Variants in KIF26B observed in about 807,000 individuals in gnomAD.
KIF26B encodes the protein kinesin-like protein KIF26B.
Under a neutral mutation model 151.2 loss-of-function variants are expected in KIF26B, and 63 were observed. The ratio of observed to expected loss-of-function variants is 0.42; its 90% CI spans 0.34 to 0.51. The LOEUF (loss-of-function observed/expected upper bound fraction) is 0.51, where lower values mean the gene tolerates loss of function less well. Ranked by LOEUF, KIF26B falls within the 20% of genes least tolerant of loss-of-function variation. The pLI is 0.07. For synonymous variants in KIF26B, 1,357 were observed against 1,262.1 expected (o/e 1.08, Z -1.59); for missense variants, 2,813 against 2,913.6 (o/e 0.97, Z 0.79).
chr1:245,543,576 C>T lies in KIF26B; in HGVS notation c.1350+2626C>T, dbSNP rs1661671509. 2.6e-5 allele frequency among the ~76,000 whole-genome samples: 4 copies of T among 152,180 alleles called. No individual in the cohort carries two copies. In the South Asian group the frequency reaches 8.3e-4, roughly 32 times the overall value. Reference sequence around the variant, plus strand: ...CCACGTGGCAGCTGAGGCCACCCTCCTGATCTGCTCAGGCTTCTGGGGCAT... The same window carrying T: ...CCACGTGGCAGCTGAGGCCACCCTCTTGATCTGCTCAGGCTTCTGGGGCAT... On this transcript the variant is annotated intron_variant, in intron 5 of 14. Coordinates refer to ENST00000407071, the MANE Select transcript of KIF26B (RefSeq NM_018012.4).
At position 245,503,758 on chromosome 1, in the gene KIF26B, G is replaced by A. The variant is rs142894980; in HGVS notation, c.1167-37009G>A. 2.2e-4 allele frequency among the ~76,000 whole-genome samples: 34 copies of A among 152,326 alleles called. No homozygotes were observed. In the East Asian group the frequency reaches 6.2e-3, roughly 28 times the overall value. ...GGAGCTAGAACTTGGTTTTGCTCTC[G>A]GCGTTGCCGCAGGGTGGCTGTCTTG... On this transcript the variant is annotated intron_variant, in intron 4 of 14. Coordinates refer to ENST00000407071, the MANE Select transcript of KIF26B (RefSeq NM_018012.4).
chr1:245,406,405 A>C (rs1674136369), intron 3 of KIF26B, among the ~76,000 whole-genome samples: 1 of 152,164 alleles, frequency 6.6e-6, no homozygotes, highest in Non-Finnish European at 1.5e-5. Flanking sequence ...TGTGGTATGG[A>C]GTGGCTCAGG....
intron 2 of KIF26B, among the ~76,000 whole-genome samples, chr1:245,235,549 C>T (rs10924132): frequency 0.35 from 52,658 of 151,344 alleles, 9,405 homozygotes; most frequent in East Asian, 0.62. Flanking sequence ...GCTATGATCA[C>T]GCCACTGCAC....
At position 245,684,413 on chromosome 1, in the gene KIF26B, TGG is replaced by T. The variant is rs149909437; in HGVS notation, c.2421+24_2421+25del. On this transcript the variant is annotated intron_variant, in intron 11 of 14. Transcript: ENST00000407071. ...AGACGAAGGTAAGGAGCTCGCGGGGTGGGGGGGTGGTGGATGAGGGAGCCTTT... is the reference window on the plus strand; with the variant it reads ...AGACGAAGGTAAGGAGCTCGCGGGGTGGGGGTGGTGGATGAGGGAGCCTTT... 3 of 1,388,946 alleles carry T rather than the reference TGG, an allele frequency of 2.2e-6. No individual in the cohort carries two copies. The African/African-American group carries it at 4.3e-5, about 20-fold the overall frequency. 86.0% of individuals were successfully genotyped at this position (1,388,946 alleles called of 1,614,324 possible).
rs142953216 is a variant in KIF26B, at chr1:245,406,589, A to C, written c.1000-12990A>C. Among the ~76,000 whole-genome samples, 575 of 152,322 alleles carry C rather than the reference A, an allele frequency of 3.8e-3. 5 individuals carry two copies. Among genetic ancestry groups the C allele is most frequent in the Non-Finnish European group, 6.4e-3 (438 of 68,018 alleles). Reference sequence around the variant, plus strand: ...AGATTAAACATGGATAGAAAAGGGCATGATGTGTATTAGAATTAAATGCTG... The same window carrying C: ...AGATTAAACATGGATAGAAAAGGGCCTGATGTGTATTAGAATTAAATGCTG... On this transcript the variant is annotated intron_variant, in intron 3 of 14. Coordinates refer to ENST00000407071, the MANE Select transcript of KIF26B (RefSeq NM_018012.4).
intron 10 of KIF26B, among the ~76,000 whole-genome samples, chr1:245,679,924 C>G (rs10458424): frequency 0.03 from 4,542 of 152,132 alleles, 218 homozygotes; most frequent in African/African-American, 0.1. Context: ...CCAACCTGTC[C>G]TCCATAGCCA....
chr1:245,673,411 C>T (rs1412083822), intron 10 of KIF26B, among the ~76,000 whole-genome samples: 3 of 127,838 alleles, frequency 2.3e-5, no homozygotes, highest in African/African-American at 8.9e-5. Context: ...GTCCCCGCTG[C>T]GCGCTGCCAT....
intron 2 of KIF26B, among the ~76,000 whole-genome samples, chr1:245,161,110 A>C (rs572500818): frequency 6.6e-6 from 1 of 152,346 alleles, no homozygotes; most frequent in South Asian, 2.1e-4. Context: ...AGTCTTTCTC[A>C]TATCAGAAGT....
intron 3 of KIF26B, among the ~76,000 whole-genome samples, chr1:245,373,800 G>A (rs1042643241): frequency 6.6e-6 from 1 of 151,786 alleles, no homozygotes; most frequent in African/African-American, 2.4e-5. Context: ...GGTGGCTCAT[G>A]CCTGTAATTT....
chr1:245,244,980 C>T lies in KIF26B; in HGVS notation c.465+88297C>T, dbSNP rs1314136790. Reference sequence around the variant, plus strand: ...TGAAAAGAGGATGAAATGTTTTAAACGCTCAAGAATTTCCAGTCACCACAG... The same window carrying T: ...TGAAAAGAGGATGAAATGTTTTAAATGCTCAAGAATTTCCAGTCACCACAG... On this transcript the variant is annotated intron_variant, in intron 2 of 14. Coordinates refer to ENST00000407071, the MANE Select transcript of KIF26B (RefSeq NM_018012.4). The surrounding 1 kb of genome is among the most constrained non-coding windows in gnomAD (Gnocchi z 4.2). Among the ~76,000 whole-genome samples the T allele has an allele frequency of 6.6e-6, 1 of 152,092 alleles. No homozygotes were observed. The highest frequency in any genetic ancestry group is 1.5e-5 in the Non-Finnish European group (1 of 68,010).
chr1:245,423,684 C>T (rs1478062686), intron 4 of KIF26B, among the ~76,000 whole-genome samples: 2 of 152,136 alleles, frequency 1.3e-5, no homozygotes, highest in African/African-American at 2.4e-5. Context: ...TACCTTTACA[C>T]GGTGTTTTCC....
intron 3 of KIF26B, among the ~76,000 whole-genome samples, chr1:245,390,942 A>AAAAAAAAAAC (rs1673678600): frequency 6.9e-6 from 1 of 145,268 alleles, no homozygotes; most frequent in African/African-American, 2.6e-5. Context: ...AAAAAAAAAA[A>AAAAAAAAAAC]AAAAAAAAAA....
Position 245,602,631 on chromosome 1 carries a change from A to G in KIF26B, c.1405A>G (p.Ser469Gly). ...CTTGGCTCGAGATACTTCAGAATCC[A>G]GCTCTTTCTTAAAGGTGGACCCACG... The part of the protein sequence containing the change: ...STLARDTSES[S>G]SFLKVDPRKK... The change falls in exon 6 of 15, where the codon AGC (serine) becomes GGC (glycine). Residue 469 changes from serine (S) to glycine (G), a missense_variant. Ser to Gly is a moderately conservative substitution (Grantham distance 56). Coordinates refer to ENST00000407071, the MANE Select transcript of KIF26B (RefSeq NM_018012.4). The surrounding 1 kb of genome is among the most constrained non-coding windows in gnomAD (Gnocchi z 4.5). 2 of 1,614,022 alleles carry G rather than the reference A, an allele frequency of 1.2e-6. No individual in the cohort carries two copies. Among genetic ancestry groups the G allele is most frequent in the Non-Finnish European group, 1.7e-6 (2 of 1,179,880 alleles).
At chr1:245,366,741 G>A (rs1423886547) in intron 2 of KIF26B, 93 bp from the exon 3 acceptor site, 12 of 1,219,346 alleles carry the variant, frequency 9.8e-6, no homozygotes, top group Admixed American at 6.4e-5. Context: ...CTTTGAGTAC[G>A]TCTCGGGTTT....
intron 9 of KIF26B, 159 bp from the exon 10 acceptor site, chr1:245,645,962 C>T (rs969935828): frequency 7.3e-6 from 5 of 681,960 alleles, no homozygotes; most frequent in African/African-American, 5.4e-5. Context: ...TATTTGCAAC[C>T]CCAGCGTGAT....
rs182976258 is a variant in KIF26B, at chr1:245,220,641, C to A, written c.465+63958C>A. Among the ~76,000 whole-genome samples, 392 of 152,290 alleles carry A rather than the reference C, an allele frequency of 2.6e-3. No individual in the cohort carries two copies. In the Middle Eastern group the frequency reaches 0.034, roughly 13 times the overall value. ...TGGGTGGGCGAGGTTGAGATCCATT[C>A]TTTAAGGCATTAAATACTGTCTCTT... On this transcript the variant is annotated intron_variant, in intron 2 of 14. Transcript: ENST00000407071.
chr1:245,554,642 C>T lies in KIF26B; in HGVS notation c.1350+13692C>T, dbSNP rs556482476. Among the ~76,000 whole-genome samples, 102 of 67,564 alleles carry T rather than the reference C, an allele frequency of 1.5e-3. 1 individual carries two copies. In the South Asian group the frequency reaches 0.062, roughly 41 times the overall value. 44.3% of individuals were successfully genotyped at this position (67,564 alleles called of 152,430 possible). On this transcript the variant is annotated intron_variant, in intron 5 of 14. Coordinates refer to ENST00000407071, the MANE Select transcript of KIF26B (RefSeq NM_018012.4). ...TGGCAGATAAGGCTGAAATTTGTCC[C>T]AGATAATTGGCTTCCTGGTGAGCTT... is the stretch of plus-strand genomic sequence containing the variant.
chr1:245,219,243 A>G (rs1573715493), intron 2 of KIF26B, among the ~76,000 whole-genome samples: 1 of 137,332 alleles, frequency 7.3e-6, no homozygotes, highest in East Asian at 2.2e-4. Flanking sequence ...GGTTCACACC[A>G]TTCTCTCGCC....
intron 2 of KIF26B, among the ~76,000 whole-genome samples, chr1:245,177,057 C>G (rs533133917): frequency 6.6e-6 from 1 of 152,198 alleles, no homozygotes; most frequent in East Asian, 1.9e-4. Flanking sequence ...CTGGCTCAAG[C>G]GATCTGCTTG....
Sources: allele counts gnomAD v4.1 joint callset (sites outside exome capture counted in the v4.1 genomes callset), GRCh38; gene constraint gnomAD v4.1.1; non-coding constraint Gnocchi (gnomAD v3.1); transcripts MANE v1.5; gene names NCBI Gene and HGNC (gene_info 2026-07-23, HGNC 2026-07-21).